Variants in RYR1 observed in about 807,000 individuals in gnomAD.
The protein encoded by RYR1 is ryanodine receptor 1.
RYR1 carries 342 observed loss-of-function variants against 583.5 expected under a neutral mutation model. The observed-to-expected ratio is 0.59, with a 90% CI of 0.54 to 0.64. The LOEUF (loss-of-function observed/expected upper bound fraction) is 0.64. RYR1 is among the 30% of genes least tolerant of loss of function. RYR1 has a pLI of 0.00. For missense variants in RYR1, 6,032 were observed against 6,917.2 expected, an observed-to-expected ratio of 0.87 and a Z score of 4.54; for synonymous variants, 2,791 against 2,822.5, an observed-to-expected ratio of 0.99 and a Z score of 0.35.
At chr19:38,470,802 G>A (rs369561273) in intron 27 of RYR1, among the ~76,000 whole-genome samples, 2 of 152,314 alleles carry the variant, frequency 1.3e-5, no homozygotes, top group Non-Finnish European at 2.9e-5. Context: ...GTATGGGAAC[G>A]TCCAGTTGAG....
Position 38,525,530 on chromosome 19 carries a change from C to T in RYR1, c.10626+28C>T, listed in dbSNP as rs773249020. 2.5e-5 allele frequency: 41 copies of T among 1,610,492 alleles called. 2 individuals are homozygous for T. The South Asian group carries it at 4.5e-4, about 18-fold the overall frequency. On this transcript the variant is annotated intron_variant, in intron 71 of 105. Transcript: ENST00000359596. ...GCCTGCCCAGCCCCGTCCTCGGAAC[C>T]TTCCAGGATGCCGCCCAGCACCCAC... is the stretch of plus-strand genomic sequence containing the variant.
chr19:38,525,212 C>A, intron 70 of RYR1, 120 bp from the exon 71 acceptor site: 1 of 1,148,360 alleles, frequency 8.7e-7, no homozygotes, highest in African/African-American at 1.5e-5. Context: ...GTGTCGTCGG[C>A]AGTTGGGGAG....
chr19:38,460,759 C>T (rs1365517706), intron 20 of RYR1, among the ~76,000 whole-genome samples, 168 bp downstream of exon 20: 1 of 152,158 alleles, frequency 6.6e-6, no homozygotes, highest in Non-Finnish European at 1.5e-5. Flanking sequence ...GGGTGGATCA[C>T]CTGAGGTCAG....
intron 96 of RYR1, among the ~76,000 whole-genome samples, chr19:38,574,454 A>G (rs1973868016): frequency 6.6e-6 from 1 of 151,580 alleles, no homozygotes; most frequent in South Asian, 2.1e-4. Context: ...CTATATCTTT[A>G]GAAAAAAAAA....
intron 63 of RYR1, 82 bp from the exon 64 acceptor site, chr19:38,514,937 TGCATGGG>T: frequency 1.2e-6 from 1 of 850,858 alleles, no homozygotes; most frequent in Non-Finnish European, 2.0e-6. Flanking sequence ...TCTTCCCCAC[TGCATGGG>T]CCTATTTGAG....
intron 99 of RYR1, among the ~76,000 whole-genome samples, chr19:38,579,450 G>A (rs1974100435): frequency 6.6e-6 from 1 of 151,244 alleles, no homozygotes; most frequent in African/African-American, 2.4e-5. Context: ...AAAATTAGCT[G>A]GGTGTGGTTA....
At chr19:38,585,829 G>T in intron 102 of RYR1, 109 bp from the exon 103 acceptor site, 3 of 1,320,730 alleles carry the variant, frequency 2.3e-6, no homozygotes, top group African/African-American at 1.4e-5. Flanking sequence ...TTAGGGGTGA[G>T]ATTAGGGAAA....
At chr19:38,576,409 A>G (rs1381434874) in intron 97 of RYR1, among the ~76,000 whole-genome samples, 1 of 152,226 alleles carries the variant, frequency 6.6e-6, no homozygotes, top group Non-Finnish European at 1.5e-5. Context: ...AGATTGCACC[A>G]CTGCACTACA....
chr19:38,555,095 G>A (rs558941862), intron 89 of RYR1, among the ~76,000 whole-genome samples: 1 of 152,018 alleles, frequency 6.6e-6, no homozygotes, highest in East Asian at 1.9e-4. Context: ...GGTAACCACT[G>A]ATCTTTCTGC....
chr19:38,475,260 C>A (rs1302712509), intron 28 of RYR1, 58 bp from the exon 29 acceptor site: 1 of 1,548,500 alleles, frequency 6.5e-7, no homozygotes, highest in Non-Finnish European at 8.7e-7. Context: ...ATGAATATTG[C>A]GGTGGGAGGG....
intron 1 of RYR1, 116 bp from the exon 2 acceptor site, chr19:38,440,629 C>A: frequency 1.6e-6 from 2 of 1,276,638 alleles, no homozygotes; most frequent in South Asian, 1.3e-5. Context: ...GTGGGTTGAT[C>A]TTGTCAGTCA....
In RYR1 at chr19:38,516,233, C is replaced by A. The variant is rs45496799; in HGVS notation, c.9685+16C>A. The A allele has an allele frequency of 6.3e-7, 1 of 1,582,674 alleles. No homozygotes were observed. Among genetic ancestry groups the A allele is most frequent in the South Asian group, 1.2e-5 (1 of 86,618 alleles). ...GAGCGGGCCAGTAAGCTGTGTGGGGCGGGAGCAGTGCTGGGAGTCCAAATC... is the reference window on the plus strand; with the variant it reads ...GAGCGGGCCAGTAAGCTGTGTGGGGAGGGAGCAGTGCTGGGAGTCCAAATC... On this transcript the variant is annotated intron_variant, in intron 65 of 105. Transcript: ENST00000359596.
chr19:38,509,561 C>T (rs952720634), intron 58 of RYR1, among the ~76,000 whole-genome samples: 2 of 151,168 alleles, frequency 1.3e-5, no homozygotes, highest in Non-Finnish European at 2.9e-5. Context: ...ACGCCATTCT[C>T]CTGCCTCAGC....
In RYR1 at chr19:38,565,389, C is replaced by G; in HGVS notation, c.13055C>G (p.Ala4352Gly). The G allele has an allele frequency of 2.2e-6, 3 of 1,361,558 alleles. No homozygotes were observed. The highest frequency in any genetic ancestry group is 2.8e-6 in the Non-Finnish European group (3 of 1,066,246). 84.3% of individuals were successfully genotyped at this position (1,361,558 alleles called of 1,614,324 possible). A position where few individuals can be genotyped will look rare whatever the true frequency, so the allele number is the denominator to read the frequency against. The change falls in exon 91 of 106, where the codon GCG becomes GGG. Residue 4352 changes from alanine to glycine, a missense_variant. Ala to Gly is a moderately conservative substitution (Grantham distance 60). This residue lies in a region of RYR1 where 753 missense variants were observed against 759.6 expected (regional missense o/e 0.99). Coordinates refer to ENST00000359596, the MANE Select transcript of RYR1 (RefSeq NM_000540.3). The surrounding 1 kb of genome is among the most constrained non-coding windows in gnomAD (Gnocchi z 4.7). The part of the protein sequence containing the change: ...RAGAAGAGAA[A>G]GALGLLWGSL... The stretch of plus-strand genomic sequence containing the variant: ...GGGGCCGCTGGCGCGGGGGCGGCGG[C>G]GGGCGCGCTGGGCCTGCTCTGGGGC...
At position 38,512,074 on chromosome 19, in the gene RYR1, A is replaced by T. The variant is rs1970752309; in HGVS notation, c.9175A>T (p.Thr3059Ser). The T allele has an allele frequency of 6.2e-7, 1 of 1,614,000 alleles. No homozygotes were observed. The highest frequency in any genetic ancestry group is 8.5e-7 in the Non-Finnish European group (1 of 1,179,954). Residue 3059 changes from threonine to serine, a missense_variant and splice_region_variant, in exon 62 of 106, where the codon ACA becomes TCA. Thr to Ser is a moderately conservative substitution (Grantham distance 58). This residue lies in a region of RYR1 where 1,493 missense variants were observed against 1,715.5 expected (regional missense o/e 0.87). Transcript: ENST00000359596. The surrounding 1 kb of genome is among the most constrained non-coding windows in gnomAD (Gnocchi z 5.1). ...CCCGGCCCATCTTCCTCTCCCAGGG[A>T]CAGACGCCCCAGCTGTGGTCAACTG... ...LVRHRVSLFG[T>S]DAPAVVNCLH...
chr19:38,492,621 G>A lies in RYR1; in HGVS notation c.6259G>A (p.Glu2087Lys), dbSNP rs567637447. The A allele has an allele frequency of 6.2e-7, 1 of 1,606,500 alleles. No homozygotes were observed. The highest frequency in any genetic ancestry group is 2.2e-5 in the East Asian group (1 of 44,506). ...GAAACCTGAGGAGGAGCGGTCAGCAGAGGAGAGCAAACCCCGTGAGGACTG... is the reference window on the plus strand; with the variant it reads ...GAAACCTGAGGAGGAGCGGTCAGCAAAGGAGAGCAAACCCCGTGAGGACTG... Reference protein sequence around the residue: ...EEKPEEERSAEESKPRSLQEL... With the variant: ...EEKPEEERSAKESKPRSLQEL... The change falls in exon 38 of 106, where the codon GAG becomes AAG. Residue 2087 changes from glutamate to lysine, a missense_variant. Transcript: ENST00000359596.
intron 42 of RYR1, among the ~76,000 whole-genome samples, chr19:38,498,207 G>A (rs73030978): frequency 0.11 from 17,094 of 152,214 alleles, 1,099 homozygotes; most frequent in South Asian, 0.23. Flanking sequence ...GGTGGGTCAT[G>A]TGGCATCTCA....
In RYR1 at chr19:38,483,473, G is replaced by A. The variant is rs1050872551; in HGVS notation, c.4891G>A (p.Glu1631Lys). Residue 1631 changes from glutamate to lysine, a missense_variant, in exon 33 of 106, where the codon GAG (glutamate) becomes AAG (lysine). Glu to Lys is a moderately conservative substitution (Grantham distance 56). Around this residue, in one of 11 missense-constraint regions of RYR1, gnomAD observed 2,627 missense variants for 2,961.3 expected, o/e 0.89. Coordinates refer to ENST00000359596, the MANE Select transcript of RYR1 (RefSeq NM_000540.3). This position sits in a 1 kb window ranked among gnomAD's most constrained non-coding sequence, Gnocchi z 6.3. Reference protein sequence around the residue: ...ERLGWAVQCQEPLTMMALHIP... With the variant: ...ERLGWAVQCQKPLTMMALHIP... ...GCTGGGCTGGGCCGTGCAGTGCCAGGAGCCGCTGACCATGATGGCGCTGCA... is the reference window on the plus strand; with the variant it reads ...GCTGGGCTGGGCCGTGCAGTGCCAGAAGCCGCTGACCATGATGGCGCTGCA... 6.4e-7 allele frequency: 1 copy of A among 1,563,846 alleles called. No individual in the cohort carries two copies. Among genetic ancestry groups the A allele is most frequent in the African/African-American group, 1.3e-5 (1 of 74,192 alleles).
intron 22 of RYR1, 21 bp downstream of exon 22, chr19:38,463,871 G>C: frequency 6.2e-7 from 1 of 1,600,628 alleles, no homozygotes; most frequent in Non-Finnish European, 8.6e-7. Context: ...AGGGGAGCCG[G>C]GGGTTGGGGC....
Sources: gnomAD v4.1 joint callset for allele counts (sites outside exome capture counted in the v4.1 genomes callset) on GRCh38, gnomAD v4.1.1 for gene constraint, gnomAD v4.1.1 regional missense constraint, Gnocchi (gnomAD v3.1) non-coding constraint, MANE v1.5 for transcripts, NCBI Gene and HGNC (gene_info 2026-07-23, HGNC 2026-07-21) for gene names.